BORCS5: variants seen among roughly 807,000 people sequenced by gnomAD.
The protein encoded by BORCS5 is BLOC-1-related complex subunit 5.
In BORCS5, 17 loss-of-function variants were observed where a neutral mutation model predicts 22.1. The ratio of observed to expected loss-of-function variants is 0.77; its 90% CI spans 0.53 to 1.15. The LOEUF (loss-of-function observed/expected upper bound fraction) is 1.15, where lower values mean the gene tolerates loss of function less well. Among genes scored for constraint, BORCS5 ranks in the 50% most tolerant of loss-of-function variants. The pLI is 0.00. For missense variants in BORCS5, 247 were observed against 253.2 expected, an observed-to-expected ratio of 0.98 and a Z score of 0.17; for synonymous variants, 117 against 99.8, an observed-to-expected ratio of 1.17 and a Z score of -1.03.
At chr12:12,421,664 G>C (rs1392452268) in intron 2 of BORCS5, among the ~76,000 whole-genome samples, 2 of 152,158 alleles carry the variant, frequency 1.3e-5, no homozygotes, top group African/African-American at 4.8e-5. Flanking sequence ...GAATTTGGCT[G>C]TGAATCCTTC....
chr12:12,436,817 A>G lies in BORCS5; in HGVS notation c.360+1032A>G, dbSNP rs201325841. ...GTGCTTAGCTTTCATAAAATGTTGC[A>G]TGCATATACTCTTCTCTCATGGGTT... On this transcript the variant is annotated intron_variant, in intron 3 of 3. Coordinates refer to ENST00000314565, the MANE Select transcript of BORCS5 (RefSeq NM_058169.6). Among the ~76,000 whole-genome samples the G allele has an allele frequency of 3.5e-4, 54 of 152,362 alleles. No individual in the cohort carries two copies. The East Asian group carries it at 8.3e-3, about 23-fold the overall frequency.
At chr12:12,411,742 A>G (rs1325570195) in intron 2 of BORCS5, among the ~76,000 whole-genome samples, 1 of 152,242 alleles carries the variant, frequency 6.6e-6, no homozygotes, top group Non-Finnish European at 1.5e-5. Context: ...AGTAAAAAAC[A>G]TTAAACGTTT....
chr12:12,426,320 T>G (rs1364360142), intron 2 of BORCS5, among the ~76,000 whole-genome samples: 1 of 152,252 alleles, frequency 6.6e-6, no homozygotes, highest in Non-Finnish European at 1.5e-5. Context: ...TCCTCTCACC[T>G]CTGCATACCA....
chr12:12,414,208 C>T (rs1487666090), intron 2 of BORCS5, among the ~76,000 whole-genome samples: 2 of 92,598 alleles, frequency 2.2e-5, no homozygotes, highest in Non-Finnish European at 4.6e-5. Context: ...AGGCGGGGGG[C>T]TGACCCCCCC....
intron 3 of BORCS5, among the ~76,000 whole-genome samples, chr12:12,448,823 G>A (rs909485558): frequency 6.6e-6 from 1 of 152,186 alleles, no homozygotes; most frequent in African/African-American, 2.4e-5. Context: ...CACTGTGCCT[G>A]GCCGTGTCTT....
intron 3 of BORCS5, among the ~76,000 whole-genome samples, chr12:12,465,050 C>T (rs964260092): frequency 1.3e-5 from 2 of 152,152 alleles, no homozygotes; most frequent in African/African-American, 4.8e-5. Flanking sequence ...TGGCTCACTG[C>T]AGCTTCGACC....
intron 1 of BORCS5, among the ~76,000 whole-genome samples, chr12:12,359,364 CTT>C (rs35732827): frequency 0.01 from 1,166 of 115,848 alleles, 19 homozygotes; most frequent in African/African-American, 0.031. Context: ...AGACTTGACT[CTT>C]TTTTTTTTTT....
intron 3 of BORCS5, among the ~76,000 whole-genome samples, chr12:12,444,596 T>A (rs1211008046): frequency 2.6e-5 from 4 of 152,208 alleles, no homozygotes; most frequent in African/African-American, 9.6e-5. Context: ...ACACTAAATT[T>A]TGAACATCTG....
intron 3 of BORCS5, among the ~76,000 whole-genome samples, chr12:12,444,470 G>T (rs1031505369): frequency 6.6e-6 from 1 of 152,180 alleles, no homozygotes; most frequent in Non-Finnish European, 1.5e-5. Context: ...ACAGTTAGGA[G>T]GTTCTTACGG....
chr12:12,422,549 C>T (rs570112123), intron 2 of BORCS5, among the ~76,000 whole-genome samples: 104 of 151,736 alleles, frequency 6.9e-4, no homozygotes, highest in Middle Eastern at 3.4e-3. Context: ...TGCAGTGAGC[C>T]GAGATCGTGG....
At chr12:12,454,208 T>G (rs1942961404) in intron 3 of BORCS5, among the ~76,000 whole-genome samples, 1 of 152,222 alleles carries the variant, frequency 6.6e-6, no homozygotes, top group African/African-American at 2.4e-5. Context: ...GAAGTGAAAT[T>G]GCTGGCTGTA....
chr12:12,379,527 G>A (rs1473366746), intron 2 of BORCS5, among the ~76,000 whole-genome samples: 1 of 151,456 alleles, frequency 6.6e-6, no homozygotes, highest in Non-Finnish European at 1.5e-5. Context: ...TTTGAACTAA[G>A]TTATCTACTG....
intron 2 of BORCS5, among the ~76,000 whole-genome samples, chr12:12,425,743 C>T (rs75415694): frequency 0.028 from 4,219 of 152,272 alleles, 81 homozygotes; most frequent in Middle Eastern, 0.078. Flanking sequence ...TAAATAACTC[C>T]TGCTTCTTCT....
At chr12:12,427,476 G>T (rs148179613) in intron 2 of BORCS5, among the ~76,000 whole-genome samples, 106 of 152,232 alleles carry the variant, frequency 7.0e-4, no homozygotes, top group Middle Eastern at 3.4e-3. Context: ...CACCGCGCCC[G>T]GCCAGACTTT....
chr12:12,457,651 C>T (rs559621063), intron 3 of BORCS5, among the ~76,000 whole-genome samples: 4 of 152,334 alleles, frequency 2.6e-5, no homozygotes, highest in Admixed American at 2.0e-4. Context: ...TAGAAGCTCT[C>T]TCCCCTCCCC....
In BORCS5 at chr12:12,357,414, C is replaced by G; in HGVS notation, c.-38C>G. ...GCCCGCCGCCGGAGCGGTGACCGCC[C>G]GGCCCGCCGTTCTTCTGCTGCCACC... is the stretch of plus-strand genomic sequence containing the variant. On this transcript the variant is annotated 5_prime_UTR_variant, in exon 1 of 4. Coordinates refer to ENST00000314565, the MANE Select transcript of BORCS5 (RefSeq NM_058169.6). 1 of 1,596,332 alleles carries G rather than the reference C, an allele frequency of 6.3e-7. No homozygotes were observed. Among genetic ancestry groups the G allele is most frequent in the South Asian group, 1.1e-5 (1 of 89,914 alleles).
chr12:12,377,658 G>T (rs754164064), intron 2 of BORCS5, among the ~76,000 whole-genome samples: 67 of 152,036 alleles, frequency 4.4e-4, no homozygotes, highest in Admixed American at 9.2e-4. Context: ...GATAATACAT[G>T]CCCACAGCAC....
chr12:12,451,200 T>A (rs1326318046), intron 3 of BORCS5, among the ~76,000 whole-genome samples: 1 of 152,062 alleles, frequency 6.6e-6, no homozygotes, highest in South Asian at 2.1e-4. Context: ...AAAATATACT[T>A]TACTTTGTTG....
chr12:12,435,960 T>A, intron 3 of BORCS5, 175 bp downstream of exon 3: 1 of 581,558 alleles, frequency 1.7e-6, no homozygotes, highest in South Asian at 2.5e-5. Context: ...ATTTAGAGTT[T>A]GAATTCTGAT....
Sources: gnomAD v4.1 joint callset for allele counts (sites outside exome capture counted in the v4.1 genomes callset) on GRCh38, gnomAD v4.1.1 for gene constraint, MANE v1.5 for transcripts, NCBI Gene and HGNC (gene_info 2026-07-23, HGNC 2026-07-21) for gene names.